Variants in ROBO2 observed in about 807,000 individuals in gnomAD.
The protein encoded by ROBO2 is roundabout guidance receptor 2.
ROBO2 carries 53 observed loss-of-function variants against 160.8 expected under a neutral mutation model. The observed-to-expected ratio is 0.33, with a 90% CI of 0.26 to 0.41. ROBO2 has a LOEUF of 0.41. ROBO2 is among the 10% of genes least tolerant of loss of function. The pLI is 1.00. For synonymous variants in ROBO2, 664 were observed against 611.7 expected, an observed-to-expected ratio of 1.09 and a Z score of -1.26; for missense variants, 1,577 against 1,722.4, an observed-to-expected ratio of 0.92 and a Z score of 1.49.
intron 2 of ROBO2, among the ~76,000 whole-genome samples, chr3:75,973,625 G>T (rs1186770990): frequency 1.3e-5 from 2 of 151,600 alleles, no homozygotes; most frequent in African/African-American, 4.8e-5. Flanking sequence ...TCAAAATTTT[G>T]TCTGGAATAA....
chr3:77,071,477 CT>C lies in ROBO2; in HGVS notation c.62-26535del, dbSNP rs2067405663. On this transcript the variant is annotated intron_variant, in intron 1 of 25. Transcript: ENST00000461745. ...TATGCCTAGAAAATAAGAAAAACACCTTCTTCCCCATTCGCAAAACTCATAA... is the reference window on the plus strand; with the variant it reads ...TATGCCTAGAAAATAAGAAAAACACCTCTTCCCCATTCGCAAAACTCATAA... 1.3e-5 allele frequency among the ~76,000 whole-genome samples: 2 copies of C among 152,138 alleles called. 1 individual carries two copies. Among genetic ancestry groups the C allele is most frequent in the African/African-American group, 4.8e-5 (2 of 41,442 alleles).
At chr3:76,712,716 A>T (rs1241360287) in intron 2 of ROBO2, among the ~76,000 whole-genome samples, 1 of 151,896 alleles carries the variant, frequency 6.6e-6, no homozygotes, top group Non-Finnish European at 1.5e-5. Context: ...ATTTAAATGA[A>T]AAAAGCTCTA....
At chr3:75,975,751 A>C (rs1373874129) in intron 2 of ROBO2, among the ~76,000 whole-genome samples, 1 of 151,624 alleles carries the variant, frequency 6.6e-6, no homozygotes, top group Admixed American at 6.6e-5. Context: ...ATTAAATCCA[A>C]GATTATGTGT....
intron 2 of ROBO2, among the ~76,000 whole-genome samples, chr3:76,765,342 A>G (rs913062784): frequency 1.3e-5 from 2 of 151,688 alleles, no homozygotes; most frequent in African/African-American, 2.4e-5. Flanking sequence ...TTCTTAGTAG[A>G]AGGGTCAGAA....
At chr3:77,346,916 T>G (rs562228620) in intron 2 of ROBO2, among the ~76,000 whole-genome samples, 11 of 152,306 alleles carry the variant, frequency 7.2e-5, no homozygotes, top group African/African-American at 2.6e-4. Flanking sequence ...TGTTATTAGA[T>G]TGGGCCTACC....
intron 2 of ROBO2, among the ~76,000 whole-genome samples, chr3:76,565,056 C>A (rs1198980530): frequency 6.6e-6 from 1 of 152,104 alleles, no homozygotes; most frequent in Non-Finnish European, 1.5e-5. Context: ...AGCTAAGACA[C>A]CTACTTACCC....
chr3:77,300,059 G>T (rs2062515452), intron 2 of ROBO2, among the ~76,000 whole-genome samples: 1 of 151,956 alleles, frequency 6.6e-6, no homozygotes, highest in African/African-American at 2.4e-5. Context: ...ATTATATATT[G>T]TATATGTACA....
At chr3:77,224,061 G>A (rs1280250330) in intron 2 of ROBO2, among the ~76,000 whole-genome samples, 2 of 151,926 alleles carry the variant, frequency 1.3e-5, no homozygotes, top group African/African-American at 4.8e-5. Flanking sequence ...CCACTTCTAT[G>A]TTTTAAGGTA....
intron 2 of ROBO2, among the ~76,000 whole-genome samples, chr3:76,387,333 G>A (rs1323826856): frequency 6.6e-6 from 1 of 152,130 alleles, no homozygotes; most frequent in Non-Finnish European, 1.5e-5. Flanking sequence ...AGAAAGGAAT[G>A]AGGGCAGGTT....
intron 1 of ROBO2, among the ~76,000 whole-genome samples, chr3:77,046,827 A>G (rs2064719004): frequency 6.6e-6 from 1 of 152,240 alleles, no homozygotes. Context: ...TATTGACAAC[A>G]TAACTTGCTT....
At chr3:76,527,290 A>C in intron 2 of ROBO2, among the ~76,000 whole-genome samples, 1 of 152,136 alleles carries the variant, frequency 6.6e-6, no homozygotes, top group East Asian at 1.9e-4. Context: ...AATAGACTAT[A>C]AAATCTATCA....
intron 7 of ROBO2, among the ~76,000 whole-genome samples, chr3:77,548,783 G>C (rs1210498245): frequency 6.6e-6 from 1 of 151,250 alleles, no homozygotes; most frequent in East Asian, 2.0e-4. Context: ...AGAGAGGGAT[G>C]TGGTGGGAGA....
At chr3:76,119,495 T>G (rs2070629206) in intron 2 of ROBO2, among the ~76,000 whole-genome samples, 1 of 151,906 alleles carries the variant, frequency 6.6e-6, no homozygotes, top group South Asian at 2.1e-4. Flanking sequence ...AGTGGTCCAA[T>G]AAAATATTAA....
At chr3:76,383,654 A>G (rs1180165190) in intron 2 of ROBO2, among the ~76,000 whole-genome samples, 1 of 152,176 alleles carries the variant, frequency 6.6e-6, no homozygotes, top group African/African-American at 2.4e-5. Context: ...TGCATCTGGC[A>G]TATCTGATGT....
chr3:76,309,632 G>T (rs1333710493), intron 2 of ROBO2, among the ~76,000 whole-genome samples: 1 of 152,124 alleles, frequency 6.6e-6, no homozygotes, highest in Admixed American at 6.5e-5. Context: ...CATAAAACTG[G>T]TGGTTATCAT....
chr3:76,787,821 T>C (rs888991645), intron 2 of ROBO2, among the ~76,000 whole-genome samples: 3 of 151,478 alleles, frequency 2.0e-5, no homozygotes, highest in African/African-American at 7.3e-5. Context: ...AAAATTAGTA[T>C]ATATTTGTTG....
At chr3:77,356,488 T>C (rs111517580) in intron 2 of ROBO2, among the ~76,000 whole-genome samples, 1,668 of 152,276 alleles carry the variant, frequency 0.011, 17 homozygotes, top group Middle Eastern at 0.017. Flanking sequence ...GATCTTAGAA[T>C]TGGGTTGGGT....
chr3:76,235,673 A>G (rs1304217368), intron 2 of ROBO2, among the ~76,000 whole-genome samples: 1 of 152,206 alleles, frequency 6.6e-6, no homozygotes, highest in Non-Finnish European at 1.5e-5. Context: ...GTGAACTTGT[A>G]ACTGTACGTG....
At chr3:77,533,455 A>G (rs1184484851) in intron 6 of ROBO2, among the ~76,000 whole-genome samples, 2 of 151,958 alleles carry the variant, frequency 1.3e-5, no homozygotes, top group Non-Finnish European at 2.9e-5. Context: ...GCCAGGTTGC[A>G]CTCTCCTCCG....
Sources: gnomAD v4.1 joint callset for allele counts (sites outside exome capture counted in the v4.1 genomes callset) on GRCh38, gnomAD v4.1.1 for gene constraint, MANE v1.5 for transcripts, NCBI Gene and HGNC (gene_info 2026-07-23, HGNC 2026-07-21) for gene names.